AFF3: variants seen among roughly 807,000 people sequenced by gnomAD.
The protein encoded by AFF3 is ALF transcription elongation factor 3, also known as AF4/FMR2 family member 3.
A neutral mutation model predicts 129.7 loss-of-function variants in AFF3; 32 were observed. That is an observed-to-expected ratio of 0.25 (90% CI 0.19 to 0.33). The LOEUF is 0.33. Ranked by LOEUF, AFF3 falls within the 10% of genes least tolerant of loss-of-function variation. AFF3 has a pLI of 1.00. For missense variants in AFF3, 1,373 were observed against 1,592.0 expected (o/e 0.86, Z 2.34); for synonymous variants, 644 against 635.4 (o/e 1.01, Z -0.20).
intron 4 of AFF3, among the ~76,000 whole-genome samples, chr2:100,013,514 A>G (rs1682733020): frequency 1.3e-5 from 2 of 152,244 alleles, no homozygotes; most frequent in Admixed American, 1.3e-4. Context: ...TAAAAGGAAC[A>G]GCAATGTCCA....
intron 7 of AFF3, among the ~76,000 whole-genome samples, chr2:99,896,691 C>T (rs75203411): frequency 0.16 from 20,265 of 123,680 alleles, 1,792 homozygotes; most frequent in East Asian, 0.33. Flanking sequence ...GCTGGAGTGC[C>T]GTGGCACGAT....
chr2:99,756,422 G>A (rs754699082), intron 8 of AFF3, among the ~76,000 whole-genome samples: 4 of 152,194 alleles, frequency 2.6e-5, no homozygotes, highest in African/African-American at 9.7e-5. Flanking sequence ...ATAAACAAAG[G>A]CTCTTAAGTG....
intron 2 of AFF3, chr2:100,107,195 C>A (rs1448986584): frequency 1.0e-6 from 1 of 985,154 alleles, no homozygotes; most frequent in Non-Finnish European, 1.2e-6. Context: ...AGTTGCAGAT[C>A]CTGTTTTTTA....
At chr2:99,971,973 C>G in intron 7 of AFF3, among the ~76,000 whole-genome samples, 1 of 152,186 alleles carries the variant, frequency 6.6e-6, no homozygotes. Context: ...TAAAAGAAGG[C>G]TAAATCCATT....
intron 7 of AFF3, 56 bp downstream of exon 7, chr2:100,006,576 C>A: frequency 6.6e-7 from 1 of 1,511,150 alleles, no homozygotes; most frequent in South Asian, 1.3e-5. Flanking sequence ...TCACGAGGGT[C>A]AAATTGTCAC....
chr2:99,745,866 T>C (rs1000988915), intron 9 of AFF3, among the ~76,000 whole-genome samples: 1 of 152,212 alleles, frequency 6.6e-6, no homozygotes, highest in African/African-American at 2.4e-5. Context: ...AAAATTCTCA[T>C]TTAATAGAAA....
At chr2:100,007,855 G>A (rs540796395) in intron 5 of AFF3, 26 of 192,590 alleles carry the variant, frequency 1.4e-4, no homozygotes, top group Non-Finnish European at 2.7e-4. Flanking sequence ...GGCTGCTGTA[G>A]TCCCAGCTAC....
At chr2:99,798,721 G>A (rs1403598621) in intron 8 of AFF3, among the ~76,000 whole-genome samples, 1 of 151,960 alleles carries the variant, frequency 6.6e-6, no homozygotes, top group Non-Finnish European at 1.5e-5. Context: ...ATATCACATT[G>A]TCTAACGGAC....
At chr2:100,067,833 C>A (rs753022251) in intron 4 of AFF3, among the ~76,000 whole-genome samples, 1 of 152,110 alleles carries the variant, frequency 6.6e-6, no homozygotes, top group African/African-American at 2.4e-5. Flanking sequence ...GAATTTGGGT[C>A]TCCAAACTCT....
At chr2:100,100,989 A>G (rs186611518) in intron 4 of AFF3, among the ~76,000 whole-genome samples, 1 of 152,318 alleles carries the variant, frequency 6.6e-6, no homozygotes, top group Non-Finnish European at 1.5e-5. Context: ...GAACACCTTA[A>G]CCTTTTTCCA....
chr2:99,886,617 G>A (rs756888294), intron 7 of AFF3, among the ~76,000 whole-genome samples: 1 of 151,994 alleles, frequency 6.6e-6, no homozygotes, highest in Non-Finnish European at 1.5e-5. Context: ...TTGCATTTTG[G>A]ACTTGAAGTC....
Position 99,550,537 on chromosome 2 carries a change from A to G in AFF3, c.*937T>C, listed in dbSNP as rs1674334245. ...GCTATTGGTGGAAAGAAAAGACTTG[A>G]AACAGATTGGCTGACAAATGCCATG... On this transcript the variant is annotated 3_prime_UTR_variant, in exon 25 of 25. Coordinates refer to ENST00000672756, the MANE Select transcript of AFF3 (RefSeq NM_001386135.1). 1 of 232,252 alleles carries G rather than the reference A, an allele frequency of 4.3e-6. No homozygotes were observed. The highest frequency in any genetic ancestry group is 2.2e-5 in the African/African-American group (1 of 45,314). The allele number at this position is 232,252 out of a possible 1,614,324, so 14.4% of individuals were successfully genotyped here.
intron 2 of AFF3, chr2:100,106,884 G>A (rs1423740370): frequency 3.0e-6 from 3 of 985,374 alleles, no homozygotes; most frequent in African/African-American, 1.7e-5. Flanking sequence ...AAGAGGGAAG[G>A]CCCTGGGATG....
At chr2:99,758,819 T>C (rs2091150) in intron 8 of AFF3, among the ~76,000 whole-genome samples, 132,559 of 152,110 alleles carry the variant, frequency 0.87, 57,879 homozygotes, top group African/African-American at 0.93. Flanking sequence ...TCACTCAGTT[T>C]CTAGGTTTGG....
In AFF3 at chr2:99,737,684, CTG is replaced by C. The variant is rs996689493; in HGVS notation, c.1039+6418_1039+6419del. ...TTGGTATTCACTGGGTTTCTTGACT[CTG>C]TGGATTAATGTCTTTCAAGTCTGGA... On this transcript the variant is annotated intron_variant, in intron 10 of 24. Transcript: ENST00000672756. 4.7e-5 allele frequency among the ~76,000 whole-genome samples: 7 copies of C among 149,860 alleles called. 1 individual carries two copies. Among genetic ancestry groups the C allele is most frequent in the Middle Eastern group, 6.4e-3 (2 of 314 alleles).
chr2:99,924,110 T>C (rs778731675), intron 7 of AFF3, among the ~76,000 whole-genome samples: 3 of 152,246 alleles, frequency 2.0e-5, no homozygotes, highest in East Asian at 1.9e-4. Context: ...CCATGTTTAT[T>C]GTAACATTCC....
intron 4 of AFF3, among the ~76,000 whole-genome samples, chr2:100,063,252 C>CAA (rs33964775): frequency 0.17 from 17,519 of 101,160 alleles, 1,873 homozygotes; most frequent in Middle Eastern, 0.27. Flanking sequence ...AACTCCATCT[C>CAA]AAAAAAAAAA....
At chr2:99,950,622 C>G (rs1307312408) in intron 7 of AFF3, among the ~76,000 whole-genome samples, 2 of 152,162 alleles carry the variant, frequency 1.3e-5, no homozygotes, top group African/African-American at 4.8e-5. Flanking sequence ...TCCATGAAAT[C>G]ATTTTATCTT....
chr2:99,945,015 C>T (rs565399893), intron 7 of AFF3, among the ~76,000 whole-genome samples: 10 of 152,276 alleles, frequency 6.6e-5, no homozygotes, highest in South Asian at 2.1e-4. Flanking sequence ...CACCTATGCA[C>T]GTAGGCACTG....
Sources: gnomAD v4.1 joint callset for allele counts (sites outside exome capture counted in the v4.1 genomes callset) on GRCh38, gnomAD v4.1.1 for gene constraint, MANE v1.5 for transcripts, NCBI Gene and HGNC (gene_info 2026-07-23, HGNC 2026-07-21) for gene names.